MTF2: variants seen among roughly 807,000 people sequenced by gnomAD.
MTF2 encodes the protein metal-response element-binding transcription factor 2.
In MTF2, 11 loss-of-function variants were observed where a neutral mutation model predicts 79.5. That is an observed-to-expected ratio of 0.14 (90% CI 0.09 to 0.23). The LOEUF is 0.23. Among genes scored for constraint, MTF2 ranks in the 10% least tolerant of loss-of-function variants. MTF2 has a pLI of 1.00. For synonymous variants in MTF2, 208 were observed against 232.8 expected, an observed-to-expected ratio of 0.89 and a Z score of 0.97; for missense variants, 486 against 711.2, an observed-to-expected ratio of 0.68 and a Z score of 3.60.
Position 93,137,110 on chromosome 1 carries a change from A to G in MTF2, c.*83A>G, listed in dbSNP as rs1197836213. On this transcript the variant is annotated 3_prime_UTR_variant, in exon 15 of 15. Coordinates refer to ENST00000370298, the MANE Select transcript of MTF2 (RefSeq NM_007358.4). ...GCCCTAAAGGAGTCTGGCTTTTACT[A>G]TCTTTCTTAAAAAAAAAAAAAAGTC... 6 of 1,142,682 alleles carry G rather than the reference A, an allele frequency of 5.3e-6. No individual in the cohort carries two copies. The East Asian group carries it at 9.6e-5, about 18-fold the overall frequency. The allele number at this position is 1,142,682 out of a possible 1,614,324, so 70.8% of individuals were successfully genotyped here.
At chr1:93,130,851 T>C (rs958551836) in intron 11 of MTF2, among the ~76,000 whole-genome samples, 2 of 152,020 alleles carry the variant, frequency 1.3e-5, no homozygotes, top group Non-Finnish European at 2.9e-5. Flanking sequence ...AACTGGTGGG[T>C]GGTTAATCAA....
At chr1:93,125,833 A>AG (rs1327847896) in intron 9 of MTF2, among the ~76,000 whole-genome samples, 4 of 152,092 alleles carry the variant, frequency 2.6e-5, no homozygotes, top group Non-Finnish European at 5.9e-5. Context: ...AGATATTTGA[A>AG]GAGCTGTCTT....
intron 1 of MTF2, among the ~76,000 whole-genome samples, chr1:93,089,611 G>C (rs1654987515): frequency 6.6e-6 from 1 of 152,044 alleles, no homozygotes; most frequent in South Asian, 2.1e-4. Flanking sequence ...CACAGCTCTC[G>C]TACTTCACTG....
chr1:93,083,243 G>GA (rs1654686361), intron 1 of MTF2, among the ~76,000 whole-genome samples: 1 of 152,040 alleles, frequency 6.6e-6, no homozygotes, highest in Non-Finnish European at 1.5e-5. Context: ...CAGCAGGGGG[G>GA]AAAATCTGCC....
intron 14 of MTF2, 61 bp from the exon 15 acceptor site, chr1:93,136,609 T>C (rs957906939): frequency 2.0e-5 from 26 of 1,316,350 alleles, no homozygotes; most frequent in Admixed American, 6.4e-5. Flanking sequence ...GAGAACATAT[T>C]GTATGGGCAT....
At chr1:93,091,701 C>T (rs772472905) in intron 1 of MTF2, among the ~76,000 whole-genome samples, 1 of 152,088 alleles carries the variant, frequency 6.6e-6, no homozygotes, top group Non-Finnish European at 1.5e-5. Flanking sequence ...AAGGATATGC[C>T]CTCAAAATAC....
chr1:93,129,388 G>A lies in MTF2; in HGVS notation c.1100G>A (p.Gly367Glu). ...VAFKAEKEPE[G>E]TSHEFKIKGR... Reference sequence around the variant, plus strand: ...TTCAAAGCAGAGAAAGAACCTGAAGGAACATCTCATGAATTTAAAATTAAA... The same window carrying A: ...TTCAAAGCAGAGAAAGAACCTGAAGAAACATCTCATGAATTTAAAATTAAA... Residue 367 changes from glycine to glutamate, a missense_variant, in exon 11 of 15, where the codon GGA becomes GAA. Around this residue, in one of 4 missense-constraint regions of MTF2, gnomAD observed 177 missense variants for 364.0 expected, o/e 0.49. Coordinates refer to ENST00000370298, the MANE Select transcript of MTF2 (RefSeq NM_007358.4). 6.3e-7 allele frequency: 1 copy of A among 1,581,304 alleles called. No individual in the cohort carries two copies. The highest frequency in any genetic ancestry group is 1.2e-5 in the South Asian group (1 of 86,468).
intron 1 of MTF2, among the ~76,000 whole-genome samples, chr1:93,108,215 T>C (rs1655883839): frequency 6.6e-6 from 1 of 152,248 alleles, no homozygotes; most frequent in Admixed American, 6.5e-5. Flanking sequence ...ATACTTGCTT[T>C]GGAGGGAATA....
intron 1 of MTF2, among the ~76,000 whole-genome samples, chr1:93,101,399 A>T (rs1167546680): frequency 1.7e-5 from 2 of 119,268 alleles, no homozygotes; most frequent in Admixed American, 1.8e-4. Context: ...TTTTAAAAGG[A>T]GATAAGGTCT....
chr1:93,134,905 T>C (rs905046524), intron 14 of MTF2, among the ~76,000 whole-genome samples: 1 of 152,024 alleles, frequency 6.6e-6, no homozygotes, highest in Non-Finnish European at 1.5e-5. Context: ...AAGATTTTCA[T>C]CAATAGCAGA....
intron 5 of MTF2, 52 bp from the exon 6 acceptor site, chr1:93,115,418 G>GT: frequency 9.0e-7 from 1 of 1,108,324 alleles, no homozygotes; most frequent in Non-Finnish European, 1.3e-6. Flanking sequence ...GTATAGAATT[G>GT]TGTTTAAAAT....
chr1:93,115,189 A>C (rs1486724884), intron 5 of MTF2, 101 bp downstream of exon 5: 5 of 903,056 alleles, frequency 5.5e-6, no homozygotes, highest in Non-Finnish European at 8.5e-6. Flanking sequence ...TGAAATGAGC[A>C]ATGAATGCTG....
chr1:93,123,820 T>G (rs527413790), intron 9 of MTF2, among the ~76,000 whole-genome samples: 1 of 149,336 alleles, frequency 6.7e-6, no homozygotes, highest in Non-Finnish European at 1.5e-5. Flanking sequence ...TAAAGACTTT[T>G]TTTTTTTTTT....
At chr1:93,083,616 G>A (rs1472894556) in intron 1 of MTF2, among the ~76,000 whole-genome samples, 1 of 152,122 alleles carries the variant, frequency 6.6e-6, no homozygotes, top group Non-Finnish European at 1.5e-5. Flanking sequence ...TGATAACTCG[G>A]ATTAGTGTTT....
At chr1:93,079,578 G>GT in intron 1 of MTF2, 47 bp downstream of exon 1, 1 of 1,610,388 alleles carries the variant, frequency 6.2e-7, no homozygotes, top group Non-Finnish European at 8.5e-7. Context: ...GGAGATGGGG[G>GT]TTGGGGGAAG....
intron 9 of MTF2, among the ~76,000 whole-genome samples, chr1:93,123,683 A>G (rs1006505713): frequency 6.6e-6 from 1 of 151,988 alleles, no homozygotes; most frequent in Non-Finnish European, 1.5e-5. Context: ...TTAGAAACCT[A>G]GTAAATACAT....
chr1:93,091,198 C>T (rs1655062373), intron 1 of MTF2, among the ~76,000 whole-genome samples: 1 of 152,138 alleles, frequency 6.6e-6, no homozygotes, highest in Non-Finnish European at 1.5e-5. Flanking sequence ...TTTTATTACT[C>T]ATTTTACTTA....
intron 1 of MTF2, among the ~76,000 whole-genome samples, chr1:93,092,537 A>G (rs1437821759): frequency 6.6e-6 from 1 of 152,120 alleles, no homozygotes; most frequent in African/African-American, 2.4e-5. Flanking sequence ...CCCTTAGCTA[A>G]TTCTTTATAT....
chr1:93,110,373 A>G lies in MTF2; in HGVS notation c.149A>G (p.Gln50Arg), dbSNP rs574583820. The G allele has an allele frequency of 6.2e-7, 1 of 1,614,242 alleles. No individual in the cohort carries two copies. Among genetic ancestry groups the G allele is most frequent in the South Asian group, 1.1e-5 (1 of 91,090 alleles). The change falls in exon 2 of 15, where the codon CAG (glutamine) becomes CGG (arginine). Residue 50 changes from glutamine to arginine, a missense_variant. Gln to Arg is a conservative substitution (Grantham distance 43). Transcript: ENST00000370298. ...CCAGCATGTAAATTTGAAGAGGGTC[A>G]GGATGTCCTAGCTAGATGGTCAGAT... ...KKPACKFEEG[Q>R]DVLARWSDGL...
Sources: allele counts gnomAD v4.1 joint callset (sites outside exome capture counted in the v4.1 genomes callset), GRCh38; gene constraint gnomAD v4.1.1; regional missense constraint gnomAD v4.1.1; transcripts MANE v1.5; gene names NCBI Gene and HGNC (gene_info 2026-07-23, HGNC 2026-07-21).